The following NPAS3 variants were observed in gnomAD, a reference collection of about 807,000 sequenced individuals.
NPAS3 encodes the protein neuronal PAS domain-containing protein 3.
In NPAS3, 14 loss-of-function variants were observed where a neutral mutation model predicts 73.1. The ratio of observed to expected loss-of-function variants is 0.19; its 90% CI spans 0.13 to 0.30. The LOEUF (loss-of-function observed/expected upper bound fraction) is 0.30, where lower values mean the gene tolerates loss of function less well. Among genes scored for constraint, NPAS3 ranks in the 10% least tolerant of loss-of-function variants. The probability of loss-of-function intolerance (pLI) is 1.00; values close to 1 mark genes in which losing one functional copy is unlikely to be tolerated. For synonymous variants in NPAS3, 620 were observed against 541.5 expected, an observed-to-expected ratio of 1.14 and a Z score of -2.01; for missense variants, 1,096 against 1,250.0, an observed-to-expected ratio of 0.88 and a Z score of 1.86.
At chr14:33,257,424 A>G (rs1049904926) in intron 3 of NPAS3, among the ~76,000 whole-genome samples, 2 of 152,108 alleles carry the variant, frequency 1.3e-5, no homozygotes, top group African/African-American at 2.4e-5. Flanking sequence ...TTACCCTACC[A>G]TAGCATTTAA....
In NPAS3 at chr14:33,063,751, T is replaced by C. The variant is rs548355801; in HGVS notation, c.140+7757T>C. ...GACCTCCGCATTAGACCTCAGGCTA[T>C]CTGACTTCAGAACCTAAGGTCTAAA... On this transcript the variant is annotated intron_variant, in intron 2 of 11. Transcript: ENST00000356141. Among the ~76,000 whole-genome samples the C allele has an allele frequency of 2.1e-4, 32 of 152,330 alleles. No homozygotes were observed. In the East Asian group the frequency reaches 5.6e-3, roughly 27 times the overall value.
At chr14:33,003,651 C>T (rs934735665) in intron 1 of NPAS3, among the ~76,000 whole-genome samples, 2 of 152,016 alleles carry the variant, frequency 1.3e-5, no homozygotes, top group Non-Finnish European at 2.9e-5. Flanking sequence ...TAGAAGAAAT[C>T]CAAGTAAGAT....
intron 4 of NPAS3, among the ~76,000 whole-genome samples, chr14:33,495,641 A>C (rs1412620198): frequency 7.2e-5 from 11 of 152,074 alleles, no homozygotes; most frequent in Admixed American, 7.2e-4. Context: ...AACTTGCTTT[A>C]TGAATCTGGG....
At chr14:33,210,273 C>A (rs899621656) in intron 2 of NPAS3, among the ~76,000 whole-genome samples, 2 of 152,176 alleles carry the variant, frequency 1.3e-5, no homozygotes, top group African/African-American at 4.8e-5. Context: ...CAATTGACCT[C>A]TTATCCAGCT....
intron 4 of NPAS3, among the ~76,000 whole-genome samples, chr14:33,506,138 G>A (rs2052750278): frequency 6.6e-6 from 1 of 151,852 alleles, no homozygotes; most frequent in African/African-American, 2.4e-5. Flanking sequence ...CATAGTGCCA[G>A]CCAAAATACT....
At chr14:32,990,079 C>A (rs1446076006) in intron 1 of NPAS3, among the ~76,000 whole-genome samples, 2 of 152,082 alleles carry the variant, frequency 1.3e-5, no homozygotes, top group African/African-American at 4.8e-5. Context: ...GTTTCTATTC[C>A]CTGAAACAGG....
At chr14:33,417,438 G>C (rs1223956498) in intron 4 of NPAS3, among the ~76,000 whole-genome samples, 2 of 151,996 alleles carry the variant, frequency 1.3e-5, no homozygotes, top group African/African-American at 2.4e-5. Context: ...ATGACACAGG[G>C]TGTCGTTATT....
intron 1 of NPAS3, among the ~76,000 whole-genome samples, chr14:33,044,893 A>C (rs1174419614): frequency 1.3e-5 from 2 of 152,190 alleles, no homozygotes; most frequent in African/African-American, 4.8e-5. Flanking sequence ...TTCATTTATC[A>C]GCCTCAGGTG....
chr14:33,654,844 T>C (rs749014934), intron 5 of NPAS3, among the ~76,000 whole-genome samples: 7 of 152,180 alleles, frequency 4.6e-5, no homozygotes, highest in Non-Finnish European at 1.0e-4. Context: ...ATTGCAATCA[T>C]AGTTTTATTT....
intron 2 of NPAS3, among the ~76,000 whole-genome samples, chr14:33,136,683 A>G (rs2043851655): frequency 6.6e-6 from 1 of 152,180 alleles, no homozygotes; most frequent in African/African-American, 2.4e-5. Flanking sequence ...ACTTTCTCCA[A>G]TTGTCACACA....
chr14:33,179,563 G>T lies in NPAS3; in HGVS notation c.141-35619G>T, dbSNP rs376686513. 2.6e-5 allele frequency among the ~76,000 whole-genome samples: 4 copies of T among 152,264 alleles called. No individual in the cohort carries two copies. The South Asian group carries it at 8.3e-4, about 32-fold the overall frequency. On this transcript the variant is annotated intron_variant, in intron 2 of 11. Transcript: ENST00000356141. ...AAGCTTAGAGCTAGTAAATTGTAAA[G>T]CAAGGGGTTTTAGTCCCTTTCTTCT...
intron 3 of NPAS3, among the ~76,000 whole-genome samples, chr14:33,219,041 G>A (rs975892450): frequency 6.6e-6 from 1 of 152,134 alleles, no homozygotes; most frequent in Non-Finnish European, 1.5e-5. Context: ...AAATATCTGT[G>A]TTGTTATAAT....
At chr14:33,264,988 G>C (rs2049117660) in intron 3 of NPAS3, among the ~76,000 whole-genome samples, 1 of 152,182 alleles carries the variant, frequency 6.6e-6, no homozygotes, top group Non-Finnish European at 1.5e-5. Flanking sequence ...AGGTAATATG[G>C]AAAAGAGCCT....
chr14:33,488,207 T>C (rs565669725), intron 4 of NPAS3, among the ~76,000 whole-genome samples: 1 of 151,960 alleles, frequency 6.6e-6, no homozygotes, highest in Non-Finnish European at 1.5e-5. Context: ...ACAGCATCAG[T>C]AATAGTCTAA....
chr14:33,783,578 TTA>T, intron 9 of NPAS3, among the ~76,000 whole-genome samples: 1 of 133,380 alleles, frequency 7.5e-6, no homozygotes, highest in Admixed American at 7.8e-5. Flanking sequence ...TTATTTTGTC[TTA>T]GTTTTTTGGG....
At chr14:33,630,958 C>T (rs1489984002) in intron 5 of NPAS3, among the ~76,000 whole-genome samples, 2 of 152,322 alleles carry the variant, frequency 1.3e-5, no homozygotes, top group Admixed American at 6.5e-5. Flanking sequence ...TCCTGGTGGT[C>T]TGAGACTATT....
At chr14:33,249,851 G>A (rs2048516951) in intron 3 of NPAS3, among the ~76,000 whole-genome samples, 2 of 151,816 alleles carry the variant, frequency 1.3e-5, no homozygotes, top group African/African-American at 2.4e-5. Context: ...ACTACACTGG[G>A]TAACTGCATC....
rs1260183945 is a variant in NPAS3, at chr14:32,984,797, C to T, written c.50+45431C>T. On this transcript the variant is annotated intron_variant, in intron 1 of 11. Coordinates refer to ENST00000356141, the Ensembl canonical transcript of NPAS3. ...GGTGGAAATGGTTGACTTTAATTAT[C>T]CTTAGTCATGTGAATATTCTGTGAA... Among the ~76,000 whole-genome samples the T allele has an allele frequency of 7.9e-5, 12 of 152,100 alleles. 1 individual carries two copies. Among genetic ancestry groups the T allele is most frequent in the Admixed American group, 5.9e-4 (9 of 15,264 alleles).
chr14:33,311,906 T>A (rs2043019068), intron 3 of NPAS3, among the ~76,000 whole-genome samples: 1 of 152,118 alleles, frequency 6.6e-6, no homozygotes, highest in South Asian at 2.1e-4. Context: ...AGGGTATGCA[T>A]GCCAAGGCAT....
Sources: gnomAD v4.1 joint callset for allele counts (sites outside exome capture counted in the v4.1 genomes callset) on GRCh38, gnomAD v4.1.1 for gene constraint, MANE v1.5 for transcripts, NCBI Gene and HGNC (gene_info 2026-07-23, HGNC 2026-07-21) for gene names.